NFIA: variants seen among roughly 807,000 people sequenced by gnomAD.
NFIA encodes nuclear factor 1 A-type.
In NFIA, 8 loss-of-function variants were observed where a neutral mutation model predicts 62.8. That is an observed-to-expected ratio of 0.13 (90% CI 0.07 to 0.23). The LOEUF (loss-of-function observed/expected upper bound fraction) is 0.23, where lower values mean the gene tolerates loss of function less well. Ranked by LOEUF, NFIA falls within the 10% of genes least tolerant of loss-of-function variation. NFIA has a pLI of 1.00. For synonymous variants in NFIA, 235 were observed against 238.1 expected (o/e 0.99, Z 0.12); for missense variants, 410 against 642.1 (o/e 0.64, Z 3.91).
intron 2 of NFIA, among the ~76,000 whole-genome samples, chr1:61,158,449 A>G (rs1437579546): frequency 1.3e-5 from 2 of 152,170 alleles, no homozygotes; most frequent in Non-Finnish European, 2.9e-5. Flanking sequence ...AAATAACCAC[A>G]AAAAAACCTT....
intron 2 of NFIA, among the ~76,000 whole-genome samples, chr1:61,277,236 C>T (rs1657857218): frequency 6.6e-6 from 1 of 152,202 alleles, no homozygotes; most frequent in Admixed American, 6.5e-5. Context: ...AATGGTCTCT[C>T]TAAGAGAATG....
intron 2 of NFIA, among the ~76,000 whole-genome samples, chr1:61,140,058 A>T (rs1316130358): frequency 5.3e-5 from 8 of 152,170 alleles, no homozygotes; most frequent in Non-Finnish European, 1.2e-4. Flanking sequence ...ATATCCAAAG[A>T]GTTAAATGCC....
chr1:61,447,654 T>C (rs1667871138), intron 10 of NFIA, among the ~76,000 whole-genome samples: 2 of 152,180 alleles, frequency 1.3e-5, no homozygotes, highest in Admixed American at 6.5e-5. Flanking sequence ...GCACCTCAGA[T>C]CTCAAGCAGC....
intron 10 of NFIA, among the ~76,000 whole-genome samples, chr1:61,440,348 T>C (rs1667518945): frequency 6.6e-6 from 1 of 152,230 alleles, no homozygotes; most frequent in South Asian, 2.1e-4. Flanking sequence ...ATTATTAAAT[T>C]ACTCTGCTGT....
At chr1:61,092,526 G>C (rs1421834846) in intron 2 of NFIA, among the ~76,000 whole-genome samples, 1 of 152,074 alleles carries the variant, frequency 6.6e-6, no homozygotes, top group Admixed American at 6.6e-5. Flanking sequence ...TCAGTGTCTC[G>C]GAAGCCTGAT....
chr1:61,390,433 A>C (rs768302498), intron 7 of NFIA, among the ~76,000 whole-genome samples: 15 of 152,168 alleles, frequency 9.9e-5, no homozygotes, highest in Non-Finnish European at 1.8e-4. Flanking sequence ...CCAAAGATTT[A>C]TTGTGCAGCT....
chr1:61,419,463 ACACT>A (rs1010932431), intron 9 of NFIA, among the ~76,000 whole-genome samples: 5 of 152,150 alleles, frequency 3.3e-5, no homozygotes, highest in African/African-American at 7.2e-5. Context: ...GCTACAGGAA[ACACT>A]CACTGCACTC....
At chr1:61,279,599 C>T (rs1658014215) in intron 3 of NFIA, among the ~76,000 whole-genome samples, 1 of 152,154 alleles carries the variant, frequency 6.6e-6, no homozygotes, top group Non-Finnish European at 1.5e-5. Flanking sequence ...CTAAAGATGT[C>T]TCCAGAGGTA....
chr1:61,120,404 A>C (rs1450591496), intron 2 of NFIA, among the ~76,000 whole-genome samples: 1 of 152,194 alleles, frequency 6.6e-6, no homozygotes, highest in Non-Finnish European at 1.5e-5. Flanking sequence ...TGCCAGATTT[A>C]AGGATTGTTT....
chr1:61,318,985 ACCCAGTG>A (rs926090595), intron 3 of NFIA, among the ~76,000 whole-genome samples: 1 of 152,158 alleles, frequency 6.6e-6, no homozygotes, highest in African/African-American at 2.4e-5. Flanking sequence ...ATGAGTCATA[ACCCAGTG>A]CCCTTTCAGT....
intron 3 of NFIA, among the ~76,000 whole-genome samples, chr1:61,324,764 T>G (rs866270663): frequency 6.6e-6 from 1 of 152,216 alleles, no homozygotes; most frequent in African/African-American, 2.4e-5. Flanking sequence ...TCCCATGTAA[T>G]GGCATTTTCC....
intron 2 of NFIA, among the ~76,000 whole-genome samples, chr1:61,150,050 C>G (rs1648290591): frequency 1.3e-5 from 2 of 152,164 alleles, no homozygotes. Context: ...CTGAGAGCCT[C>G]TTCCCTCCCT....
At chr1:61,186,652 G>A (rs1216383392) in intron 2 of NFIA, among the ~76,000 whole-genome samples, 1 of 152,198 alleles carries the variant, frequency 6.6e-6, no homozygotes, top group Non-Finnish European at 1.5e-5. Flanking sequence ...ATAGGAAGTA[G>A]CATTTGAGAC....
chr1:61,313,068 A>G (rs1241467802), intron 3 of NFIA, among the ~76,000 whole-genome samples: 1 of 152,228 alleles, frequency 6.6e-6, no homozygotes, highest in Non-Finnish European at 1.5e-5. Flanking sequence ...GGATAGTAGT[A>G]GGGCAAGGAT....
intron 2 of NFIA, among the ~76,000 whole-genome samples, chr1:61,233,540 T>G (rs1290815223): frequency 6.6e-6 from 1 of 152,214 alleles, no homozygotes; most frequent in Non-Finnish European, 1.5e-5. Context: ...CTCGTCATAG[T>G]TGGTGCTTAC....
upstream of NFIA, chr1:61,082,012 G>C: frequency 6.5e-7 from 1 of 1,549,760 alleles, no homozygotes; most frequent in Non-Finnish European, 8.7e-7. Flanking sequence ...GGGGGTGCGG[G>C]GCAACCTGGC....
At chr1:61,253,553 TG>T (rs1415172462) in intron 2 of NFIA, 1 of 152,274 alleles carries the variant, frequency 6.6e-6, no homozygotes, top group Non-Finnish European at 1.5e-5. Flanking sequence ...AGCTCACAGA[TG>T]GGGACTGTTA....
In NFIA at chr1:61,455,633, T is replaced by C. The variant is rs1668268878; in HGVS notation, c.*313T>C. On this transcript the variant is annotated 3_prime_UTR_variant, in exon 11 of 11. Transcript: ENST00000403491. Reference sequence around the variant, plus strand: ...TAGCGTGAGCATTAGGTGACGTGGCTAGCGGAGGACTACCCTTGCTCACTG... The same window carrying C: ...TAGCGTGAGCATTAGGTGACGTGGCCAGCGGAGGACTACCCTTGCTCACTG... 2.3e-6 allele frequency: 1 copy of C among 439,736 alleles called. No individual in the cohort carries two copies. The highest frequency in any genetic ancestry group is 4.6e-5 in the South Asian group (1 of 21,788). 27.2% of individuals were successfully genotyped at this position (439,736 alleles called of 1,614,324 possible). A position where few individuals can be genotyped will look rare whatever the true frequency, so the allele number is the denominator to read the frequency against.
intron 7 of NFIA, among the ~76,000 whole-genome samples, chr1:61,386,428 G>A (rs1362973849): frequency 6.6e-6 from 1 of 152,202 alleles, no homozygotes; most frequent in African/African-American, 2.4e-5. Flanking sequence ...CCAGGGCATG[G>A]GGCAGGGATC....
Sources: allele counts gnomAD v4.1 joint callset (sites outside exome capture counted in the v4.1 genomes callset), GRCh38; gene constraint gnomAD v4.1.1; transcripts MANE v1.5; gene names NCBI Gene and HGNC (gene_info 2026-07-23, HGNC 2026-07-21).